Variants in EDIL3 observed in about 807,000 individuals in gnomAD.
EDIL3 encodes EGF like and discoidin domains 3, also known as EGF-like repeat and discoidin I-like domain-containing protein 3.
Under a neutral mutation model 67.4 loss-of-function variants are expected in EDIL3, and 37 were observed. The observed-to-expected ratio is 0.55, with a 90% CI of 0.42 to 0.72. The LOEUF is 0.72. EDIL3 is among the 30% of genes least tolerant of loss of function. EDIL3 has a pLI of 0.00. For missense variants in EDIL3, 527 were observed against 586.3 expected (o/e 0.90, Z 1.04); for synonymous variants, 195 against 196.3 (o/e 0.99, Z 0.05).
At chr5:84,310,655 C>A (rs2112141900) in intron 1 of EDIL3, among the ~76,000 whole-genome samples, 1 of 152,194 alleles carries the variant, frequency 6.6e-6, no homozygotes, top group East Asian at 1.9e-4. Context: ...TTTGCTGTGT[C>A]CTAAGGTCTT....
intron 3 of EDIL3, among the ~76,000 whole-genome samples, chr5:84,184,794 T>C (rs1749079829): frequency 6.6e-6 from 1 of 152,168 alleles, no homozygotes. Context: ...GCCTCTGGGA[T>C]TTCTAGATGA....
intron 1 of EDIL3, among the ~76,000 whole-genome samples, chr5:84,313,536 C>G (rs74676123): frequency 0.018 from 2,793 of 152,280 alleles, 87 homozygotes; most frequent in African/African-American, 0.064. Context: ...GTCATTAAGT[C>G]TTCCTGATAT....
At chr5:84,022,978 C>A (rs1359077094) in intron 9 of EDIL3, among the ~76,000 whole-genome samples, 2 of 151,896 alleles carry the variant, frequency 1.3e-5, no homozygotes, top group Non-Finnish European at 2.9e-5. Context: ...CATTATTATT[C>A]ATTCTATGCT....
At chr5:84,231,693 T>G (rs1386504453) in intron 2 of EDIL3, among the ~76,000 whole-genome samples, 1 of 152,214 alleles carries the variant, frequency 6.6e-6, no homozygotes, top group East Asian at 1.9e-4. Context: ...ACAGTTGGCA[T>G]GCATGGCGCA....
intron 9 of EDIL3, among the ~76,000 whole-genome samples, chr5:84,010,514 C>A (rs902061971): frequency 1.3e-5 from 2 of 151,872 alleles, no homozygotes; most frequent in Non-Finnish European, 2.9e-5. Flanking sequence ...GTTCTATTTC[C>A]TCCAATTTTT....
rs1561443787 is a variant in EDIL3 at position 84,141,932 on chromosome 5, T to TCG, written c.356-4579_356-4578insCG. On this transcript the variant is annotated intron_variant, in intron 4 of 10. Coordinates refer to ENST00000296591, the MANE Select transcript of EDIL3 (RefSeq NM_005711.5). ...ATATATATATATATATACACATATATATATATATATATATACATAGATCTA... is the reference window on the plus strand; with the variant it reads ...ATATATATATATATATACACATATATCGATATATATATATATACATAGATCTA... Among the ~76,000 whole-genome samples the TCG allele has an allele frequency of 9.3e-4, 90 of 97,228 alleles. 4 individuals are homozygous for TCG. Among genetic ancestry groups the TCG allele is most frequent in the East Asian group, 2.8e-3 (6 of 2,146 alleles). The allele number at this position is 97,228 out of a possible 152,430, so 63.8% of individuals were successfully genotyped here. A position where few individuals can be genotyped will look rare whatever the true frequency, so the allele number is the denominator to read the frequency against.
chr5:84,080,328 A>AAAAT (rs1485737966), intron 6 of EDIL3, among the ~76,000 whole-genome samples: 1 of 144,640 alleles, frequency 6.9e-6, no homozygotes, highest in African/African-American at 2.6e-5. Flanking sequence ...TAACTCAAAT[A>AAAAT]TAACTAGTCC....
At chr5:84,079,543 G>A (rs953582895) in intron 6 of EDIL3, among the ~76,000 whole-genome samples, 16 of 151,954 alleles carry the variant, frequency 1.1e-4, no homozygotes, top group African/African-American at 3.9e-4. Flanking sequence ...TGAAAGAGTA[G>A]GAAATTTTTT....
At chr5:84,240,668 C>T (rs1744777652) in intron 2 of EDIL3, among the ~76,000 whole-genome samples, 1 of 152,050 alleles carries the variant, frequency 6.6e-6, no homozygotes, top group South Asian at 2.1e-4. Flanking sequence ...GAAACTATTC[C>T]CCAACCACCG....
intron 4 of EDIL3, among the ~76,000 whole-genome samples, chr5:84,172,117 C>T (rs1186669932): frequency 1.3e-5 from 2 of 152,092 alleles, no homozygotes; most frequent in Non-Finnish European, 2.9e-5. Context: ...TCACACTGAC[C>T]GGCAAAGCCA....
intron 9 of EDIL3, among the ~76,000 whole-genome samples, chr5:84,028,343 C>A (rs1296276392): frequency 6.6e-6 from 1 of 152,130 alleles, no homozygotes; most frequent in Non-Finnish European, 1.5e-5. Context: ...AACCATGTCA[C>A]CCTTTGACTT....
At chr5:84,319,971 G>A (rs1746600370) in intron 1 of EDIL3, among the ~76,000 whole-genome samples, 2 of 152,022 alleles carry the variant, frequency 1.3e-5, no homozygotes, top group East Asian at 1.9e-4. Context: ...TGGACACAGG[G>A]AGGGGAACAT....
In EDIL3 at chr5:84,097,923, CTT is replaced by C. The variant is rs539435628; in HGVS notation, c.651+8724_651+8725del. Among the ~76,000 whole-genome samples, 102 of 152,116 alleles carry C rather than the reference CTT, an allele frequency of 6.7e-4. 1 individual carries two copies. In the East Asian group the frequency reaches 0.019, roughly 28 times the overall value. ...CAAAGCACCCAGAATTTAAAATACACTTGTTATAATCCAAGACATATTTCTAT... is the reference window on the plus strand; with the variant it reads ...CAAAGCACCCAGAATTTAAAATACACGTTATAATCCAAGACATATTTCTAT... On this transcript the variant is annotated intron_variant, in intron 6 of 10. Transcript: ENST00000296591.
chr5:84,128,509 C>T (rs921964491), intron 5 of EDIL3, among the ~76,000 whole-genome samples: 1 of 151,990 alleles, frequency 6.6e-6, no homozygotes, highest in Admixed American at 6.6e-5. Flanking sequence ...AACAGTGTTC[C>T]AACTTTCTAG....
intron 1 of EDIL3, among the ~76,000 whole-genome samples, chr5:84,275,654 T>G (rs1745571252): frequency 6.6e-6 from 1 of 152,162 alleles, no homozygotes; most frequent in African/African-American, 2.4e-5. Flanking sequence ...TTCTTTAGCT[T>G]TATTCTTAAG....
At chr5:83,976,809 T>A (rs1179444520) in intron 9 of EDIL3, among the ~76,000 whole-genome samples, 1 of 151,798 alleles carries the variant, frequency 6.6e-6, no homozygotes. Context: ...TAAATAATAA[T>A]ATTTAGTCTT....
chr5:84,015,929 G>T (rs1745596695), intron 9 of EDIL3, among the ~76,000 whole-genome samples: 1 of 152,000 alleles, frequency 6.6e-6, no homozygotes, highest in Non-Finnish European at 1.5e-5. Context: ...GCATGTGAAG[G>T]TTTGTTACAC....
intron 10 of EDIL3, among the ~76,000 whole-genome samples, chr5:83,951,030 T>C (rs1251597924): frequency 6.6e-6 from 1 of 151,742 alleles, no homozygotes; most frequent in Non-Finnish European, 1.5e-5. Flanking sequence ...CCCTGTTTGC[T>C]TCAGAGACTT....
At chr5:84,247,891 CCTA>C (rs1190089468) in intron 2 of EDIL3, among the ~76,000 whole-genome samples, 1 of 151,956 alleles carries the variant, frequency 6.6e-6, no homozygotes, top group African/African-American at 2.4e-5. Flanking sequence ...CCTGTACTGA[CCTA>C]CTGTCAATAA....
Sources: allele counts gnomAD v4.1 joint callset (sites outside exome capture counted in the v4.1 genomes callset), GRCh38; gene constraint gnomAD v4.1.1; transcripts MANE v1.5; gene names NCBI Gene and HGNC (gene_info 2026-07-23, HGNC 2026-07-21).